LARP1B: variants seen among roughly 807,000 people sequenced by gnomAD.
LARP1B encodes La ribonucleoprotein 1B, also known as la-related protein 1B.
Under a neutral mutation model 114.2 loss-of-function variants are expected in LARP1B, and 76 were observed. The observed-to-expected ratio is 0.67, with a 90% CI of 0.55 to 0.81. The LOEUF is 0.81. Among genes scored for constraint, LARP1B ranks in the 30% least tolerant of loss-of-function variants. The probability of loss-of-function intolerance (pLI) is 0.00; values close to 1 mark genes in which losing one functional copy is unlikely to be tolerated. For synonymous variants in LARP1B, 345 were observed against 348.0 expected (o/e 0.99, Z 0.10); for missense variants, 1,014 against 1,075.8 (o/e 0.94, Z 0.80).
rs199963089 is a variant in LARP1B, at chr4:128,166,989, T to C, written c.1648+4672T>C. Among the ~76,000 whole-genome samples the C allele has an allele frequency of 8.8e-4, 125 of 142,270 alleles. 1 individual carries two copies. The highest frequency in any genetic ancestry group is 1.5e-3 in the African/African-American group (57 of 38,450). The allele number at this position is 142,270 out of a possible 152,430, so 93.3% of individuals were successfully genotyped here. The stretch of plus-strand genomic sequence containing the variant: ...CTCTCTCTATATATATATATATATA[T>C]ATATACACACACACATATATATACA... On this transcript the variant is annotated intron_variant, in intron 12 of 19. Transcript: ENST00000326639.
At chr4:128,156,788 G>C (rs1270151050) in intron 11 of LARP1B, among the ~76,000 whole-genome samples, 1 of 146,076 alleles carries the variant, frequency 6.8e-6, no homozygotes, top group Non-Finnish European at 1.5e-5. Context: ...TCCACAGTGA[G>C]AGCAGCTGCT....
chr4:128,186,409 C>T (rs549097999), intron 15 of LARP1B, among the ~76,000 whole-genome samples: 2 of 152,080 alleles, frequency 1.3e-5, no homozygotes, highest in Admixed American at 6.6e-5. Flanking sequence ...TACCTAGATA[C>T]TTTATGTATT....
intron 8 of LARP1B, 103 bp from the exon 9 acceptor site, chr4:128,107,036 A>T: frequency 2.2e-6 from 2 of 891,954 alleles, no homozygotes; most frequent in African/African-American, 1.7e-5. Flanking sequence ...CTTAACTGCA[A>T]ATTAGTTTGC....
At chr4:128,121,698 C>A in intron 10 of LARP1B, 128 bp from the exon 11 acceptor site, 1 of 606,058 alleles carries the variant, frequency 1.7e-6, no homozygotes, top group Non-Finnish European at 2.7e-6. Flanking sequence ...TTTTCTTTTA[C>A]AGTTTGGCTG....
intron 12 of LARP1B, among the ~76,000 whole-genome samples, chr4:128,164,864 A>G (rs995928334): frequency 2.6e-5 from 4 of 152,162 alleles, no homozygotes; most frequent in Non-Finnish European, 4.4e-5. Flanking sequence ...GCCCAGTTAT[A>G]GTAGAATGTA....
intron 1 of LARP1B, among the ~76,000 whole-genome samples, chr4:128,064,996 T>G (rs1342750402): frequency 6.6e-6 from 1 of 152,170 alleles, no homozygotes; most frequent in Non-Finnish European, 1.5e-5. Context: ...GCAAATGACC[T>G]GTGAAAAATA....
intron 13 of LARP1B, among the ~76,000 whole-genome samples, chr4:128,177,323 G>A (rs905435731): frequency 6.6e-6 from 1 of 152,076 alleles, no homozygotes; most frequent in Non-Finnish European, 1.5e-5. Context: ...GGCAAATAGC[G>A]GGCACTTAGT....
At position 128,122,285 on chromosome 4, in the gene LARP1B, T is replaced by C. The variant is rs542624534; in HGVS notation, c.1524+97T>C. ...AAACTTGAGGCTCTATTTTATGAAATGTTGAATATAAATACATTGTATTTA... is the reference window on the plus strand; with the variant it reads ...AAACTTGAGGCTCTATTTTATGAAACGTTGAATATAAATACATTGTATTTA... On this transcript the variant is annotated intron_variant, in intron 11 of 19. Transcript: ENST00000326639. 2.6e-6 allele frequency: 4 copies of C among 1,533,760 alleles called. No homozygotes were observed. The African/African-American group carries it at 5.5e-5, about 21-fold the overall frequency.
chr4:128,128,379 C>T (rs893995016), intron 11 of LARP1B, among the ~76,000 whole-genome samples: 2 of 152,118 alleles, frequency 1.3e-5, no homozygotes, highest in Admixed American at 6.6e-5. Context: ...TGCTTATAAA[C>T]TCATCATAAA....
intron 1 of LARP1B, chr4:128,061,725 A>G (rs1760181743): frequency 1.0e-6 from 1 of 984,826 alleles, no homozygotes; most frequent in Non-Finnish European, 1.2e-6. Flanking sequence ...CCCGCCGCCC[A>G]TTCTCGGGAG....
At chr4:128,091,254 A>G (rs1176926091) in intron 6 of LARP1B, 93 bp from the exon 7 acceptor site, 2 of 1,513,864 alleles carry the variant, frequency 1.3e-6, no homozygotes, top group Non-Finnish European at 8.9e-7. Flanking sequence ...AGATGGTTTT[A>G]TGTTTGTTAA....
intron 17 of LARP1B, among the ~76,000 whole-genome samples, chr4:128,203,324 T>TCCC (rs1578714467): frequency 1.5e-5 from 2 of 132,146 alleles, no homozygotes; most frequent in Admixed American, 8.0e-5. Context: ...CCTCTCTCCC[T>TCCC]CCCTCCCTCC....
intron 17 of LARP1B, 56 bp downstream of exon 17, chr4:128,200,721 T>TC (rs1755670116): frequency 1.3e-5 from 17 of 1,297,792 alleles, no homozygotes; most frequent in Admixed American, 4.9e-5. Context: ...TCTTCTTTTT[T>TC]TCTTTACCCA....
At chr4:128,169,675 C>T (rs1047270186) in intron 12 of LARP1B, among the ~76,000 whole-genome samples, 1 of 152,026 alleles carries the variant, frequency 6.6e-6, no homozygotes, top group Non-Finnish European at 1.5e-5. Flanking sequence ...CTCGCCCTGT[C>T]GCCCAGGCTG....
intron 8 of LARP1B, among the ~76,000 whole-genome samples, chr4:128,101,908 T>C (rs1229025542): frequency 6.6e-6 from 1 of 152,246 alleles, no homozygotes; most frequent in Non-Finnish European, 1.5e-5. Context: ...GTTGTAATTT[T>C]ATTATTGTAT....
intron 8 of LARP1B, among the ~76,000 whole-genome samples, chr4:128,101,261 G>T (rs1396727459): frequency 2.0e-5 from 3 of 151,842 alleles, no homozygotes; most frequent in Non-Finnish European, 4.4e-5. Context: ...ATCACTTGAG[G>T]TCAGGAGTTT....
intron 5 of LARP1B, among the ~76,000 whole-genome samples, chr4:128,088,108 G>A (rs1216126841): frequency 6.6e-6 from 1 of 151,994 alleles, no homozygotes; most frequent in Non-Finnish European, 1.5e-5. Flanking sequence ...AAGGAGGATT[G>A]CTTGAGAGCC....
At chr4:128,204,688 A>G (rs1047688211) in intron 17 of LARP1B, among the ~76,000 whole-genome samples, 5 of 151,776 alleles carry the variant, frequency 3.3e-5, no homozygotes, top group African/African-American at 1.2e-4. Flanking sequence ...AAAAATAAAT[A>G]AATAAAATGG....
intron 11 of LARP1B, among the ~76,000 whole-genome samples, chr4:128,136,361 CTTACATA>C (rs1433237468): frequency 6.6e-6 from 1 of 150,436 alleles, no homozygotes; most frequent in Non-Finnish European, 1.5e-5. Context: ...AAAAACAAAA[CTTACATA>C]TTAGTAGCAG....
Sources: allele counts gnomAD v4.1 joint callset (sites outside exome capture counted in the v4.1 genomes callset), GRCh38; gene constraint gnomAD v4.1.1; transcripts MANE v1.5; gene names NCBI Gene and HGNC (gene_info 2026-07-23, HGNC 2026-07-21).